Variants in USP13 observed in about 807,000 individuals in gnomAD.
USP13 encodes the protein ubiquitin carboxyl-terminal hydrolase 13.
In USP13, 68 loss-of-function variants were observed where a neutral mutation model predicts 107.8. That is an observed-to-expected ratio of 0.63 (90% confidence interval 0.52 to 0.77). The LOEUF is 0.77. USP13 is among the 30% of genes least tolerant of loss of function. The pLI, the probability that USP13 is intolerant of heterozygous loss-of-function variation, is 0.00. For missense variants in USP13, 945 were observed against 1,093.3 expected (o/e 0.86, Z 1.91); for synonymous variants, 377 against 389.5 (o/e 0.97, Z 0.38).
intron 19 of USP13, among the ~76,000 whole-genome samples, chr3:179,779,006 G>C (rs1321037427): frequency 6.6e-6 from 1 of 152,122 alleles, no homozygotes; most frequent in Non-Finnish European, 1.5e-5. Context: ...GAAAGAAAGA[G>C]CAGTAGGTAT....
chr3:179,657,073 A>G (rs78750304), intron 1 of USP13, among the ~76,000 whole-genome samples: 20 of 152,348 alleles, frequency 1.3e-4, no homozygotes, highest in East Asian at 1.2e-3. Context: ...TATCTCCGTC[A>G]CTCAGTGTGT....
At chr3:179,736,691 G>T (rs956584069) in intron 10 of USP13, among the ~76,000 whole-genome samples, 1 of 152,240 alleles carries the variant, frequency 6.6e-6, no homozygotes, top group Non-Finnish European at 1.5e-5. Context: ...TCACAGAAGT[G>T]TGGGAGGGGA....
intron 8 of USP13, among the ~76,000 whole-genome samples, chr3:179,726,612 G>T (rs1370371250): frequency 1.3e-5 from 2 of 152,098 alleles, no homozygotes; most frequent in African/African-American, 2.4e-5. Context: ...CCAGCAGAGT[G>T]GTTCCGAACT....
At chr3:179,657,573 C>T (rs548814937) in intron 1 of USP13, among the ~76,000 whole-genome samples, 94 of 151,312 alleles carry the variant, frequency 6.2e-4, no homozygotes, top group African/African-American at 2.1e-3. Flanking sequence ...CCATCCTGGC[C>T]AACGTGGTGA....
At position 179,720,044 on chromosome 3, in the gene USP13, C is replaced by T. The variant is rs775073265; in HGVS notation, c.900+10C>T. On this transcript the variant is annotated intron_variant, in intron 7 of 20. Transcript: ENST00000263966. Reference sequence around the variant, plus strand: ...GCTTCATATGCATGGGGTGAGGTCTCCTTTTGTTTCTGTTTCCATCTTGCA... The same window carrying T: ...GCTTCATATGCATGGGGTGAGGTCTTCTTTTGTTTCTGTTTCCATCTTGCA... 6.2e-7 allele frequency: 1 copy of T among 1,610,706 alleles called. No homozygotes were observed. The highest frequency in any genetic ancestry group is 8.5e-7 in the Non-Finnish European group (1 of 1,177,984).
At chr3:179,732,745 T>TA (rs3216644) in intron 10 of USP13, among the ~76,000 whole-genome samples, 53,861 of 152,014 alleles carry the variant, frequency 0.35, 11,384 homozygotes, top group Non-Finnish European at 0.46. Flanking sequence ...CCTTTTATGT[T>TA]AAAAAAAGTA....
At chr3:179,684,270 TAC>T (rs58817778) in intron 2 of USP13, among the ~76,000 whole-genome samples, 5,405 of 115,894 alleles carry the variant, frequency 0.047, 127 homozygotes, top group South Asian at 0.12. Flanking sequence ...TATCACCCTT[TAC>T]ACACACACAC....
At chr3:179,690,720 A>G (rs1712086468) in intron 3 of USP13, among the ~76,000 whole-genome samples, 1 of 152,144 alleles carries the variant, frequency 6.6e-6, no homozygotes, top group South Asian at 2.1e-4. Flanking sequence ...CCACAGGCAC[A>G]CACCACCACG....
At chr3:179,757,533 T>G (rs1356223082) in intron 16 of USP13, among the ~76,000 whole-genome samples, 1 of 152,192 alleles carries the variant, frequency 6.6e-6, no homozygotes, top group Non-Finnish European at 1.5e-5. Flanking sequence ...GGATATTAGT[T>G]TGATTGGATT....
intron 6 of USP13, among the ~76,000 whole-genome samples, chr3:179,711,854 C>T (rs1454097779): frequency 6.6e-6 from 1 of 152,124 alleles, no homozygotes; most frequent in Admixed American, 6.5e-5. Context: ...AATATGGTAA[C>T]ATAGTCATTT....
In USP13 at chr3:179,658,069, C is replaced by T. The variant is rs193013346; in HGVS notation, c.168+4676C>T. Among the ~76,000 whole-genome samples the T allele has an allele frequency of 1.1e-4, 17 of 152,256 alleles. No individual in the cohort carries two copies. In the East Asian group the frequency reaches 1.7e-3, roughly 16 times the overall value. ...GTGTAAGACTCATTTCCTTTTCTTTCTCAGCCTCCTGAGTAGCTGGGATTA... is the reference window on the plus strand; with the variant it reads ...GTGTAAGACTCATTTCCTTTTCTTTTTCAGCCTCCTGAGTAGCTGGGATTA... On this transcript the variant is annotated intron_variant, in intron 1 of 20. Coordinates refer to ENST00000263966, the MANE Select transcript of USP13 (RefSeq NM_003940.3).
intron 11 of USP13, among the ~76,000 whole-genome samples, chr3:179,740,924 G>A (rs12632425): frequency 0.19 from 28,787 of 151,560 alleles, 2,923 homozygotes; most frequent in Admixed American, 0.25. Flanking sequence ...CTGCCACCAC[G>A]CCCGGCTAAT....
At chr3:179,705,924 C>T (rs1437948317) in intron 4 of USP13, among the ~76,000 whole-genome samples, 2 of 151,992 alleles carry the variant, frequency 1.3e-5, no homozygotes, top group East Asian at 1.9e-4. Flanking sequence ...GGTTTCACCA[C>T]GTTAGCCAGG....
intron 6 of USP13, among the ~76,000 whole-genome samples, chr3:179,714,870 C>CTTTT (rs34976120): frequency 1.3e-4 from 18 of 137,474 alleles, no homozygotes; most frequent in South Asian, 2.3e-4. Context: ...TTTCCTTTTT[C>CTTTT]TTTTTTTTTT....
chr3:179,774,408 G>A (rs62290459), intron 19 of USP13, among the ~76,000 whole-genome samples: 4,935 of 152,218 alleles, frequency 0.032, 121 homozygotes, highest in Admixed American at 0.048. Flanking sequence ...TCTGATGTTC[G>A]GACATGTTCA....
At chr3:179,722,572 T>G (rs1454946967) in intron 8 of USP13, among the ~76,000 whole-genome samples, 1 of 152,216 alleles carries the variant, frequency 6.6e-6, no homozygotes, top group African/African-American at 2.4e-5. Context: ...GTACGCAATG[T>G]GTAATAATCA....
intron 3 of USP13, among the ~76,000 whole-genome samples, chr3:179,697,856 C>T (rs1448747728): frequency 1.3e-5 from 2 of 152,196 alleles, no homozygotes; most frequent in African/African-American, 4.8e-5. Context: ...TCATGCCCCT[C>T]TTCCATTCCA....
At chr3:179,745,358 C>T in intron 13 of USP13, 141 bp downstream of exon 13, 2 of 1,050,670 alleles carry the variant, frequency 1.9e-6, no homozygotes, top group Admixed American at 5.4e-5. Flanking sequence ...GGTTCACACA[C>T]CCTAACTGTC....
chr3:179,740,402 C>A (rs757421504), intron 11 of USP13, 30 bp downstream of exon 11: 1 of 1,613,148 alleles, frequency 6.2e-7, no homozygotes, highest in Non-Finnish European at 8.5e-7. Flanking sequence ...GGATGCTCAG[C>A]GGGGTTGTAA....
Sources: allele counts gnomAD v4.1 joint callset (sites outside exome capture counted in the v4.1 genomes callset), GRCh38; gene constraint gnomAD v4.1.1; transcripts MANE v1.5; gene names NCBI Gene and HGNC (gene_info 2026-07-23, HGNC 2026-07-21).